TNRC6A: variants seen among roughly 807,000 people sequenced by gnomAD.
TNRC6A encodes the protein trinucleotide repeat containing adaptor 6A.
A neutral mutation model predicts 221.2 loss-of-function variants in TNRC6A; 44 were observed. The ratio of observed to expected loss-of-function variants is 0.20; its 90% confidence interval spans 0.16 to 0.26. The LOEUF is 0.26. TNRC6A is among the 10% of genes least tolerant of loss of function. The pLI, the probability that TNRC6A is intolerant of heterozygous loss-of-function variation, is 1.00. For synonymous variants in TNRC6A, 847 were observed against 838.5 expected, an observed-to-expected ratio of 1.01 and a Z score of -0.18; for missense variants, 2,199 against 2,404.4, an observed-to-expected ratio of 0.91 and a Z score of 1.79.
At chr16:24,737,622 C>G (rs1434903390) in intron 2 of TNRC6A, among the ~76,000 whole-genome samples, 1 of 152,178 alleles carries the variant, frequency 6.6e-6, no homozygotes, top group African/African-American at 2.4e-5. Flanking sequence ...TACTTTGAAC[C>G]TTACAAGATA....
At chr16:24,687,928 TC>T (rs1224547414) in intron 2 of TNRC6A, among the ~76,000 whole-genome samples, 1 of 120,182 alleles carries the variant, frequency 8.3e-6, no homozygotes, top group East Asian at 2.2e-4. Context: ...TCTTTTCTTT[TC>T]TTTTCTTTTC....
Position 24,655,023 on chromosome 16 carries a change from AC to A in TNRC6A, n.402+14015del, listed in dbSNP as rs376328618. On this transcript the variant is annotated intron_variant and non_coding_transcript_variant, in intron 2 of 2. Coordinates refer to the TNRC6A transcript ENST00000566108. ...TTTGGGAGCCCAAGGTGGGTGGATC[AC>A]TTGAGCCCAGGAGTTCAAGACTAGC... Among the ~76,000 whole-genome samples, 487 of 152,248 alleles carry A rather than the reference AC, an allele frequency of 3.2e-3. 1 individual carries two copies. The highest frequency in any genetic ancestry group is 0.011 in the African/African-American group (454 of 41,550).
intron 2 of TNRC6A, among the ~76,000 whole-genome samples, chr16:24,683,375 T>C (rs1420954627): frequency 6.6e-6 from 1 of 152,156 alleles, no homozygotes; most frequent in Admixed American, 6.5e-5. Context: ...TTTTAAATTA[T>C]TTTGTAGAGA....
chr16:24,647,139 C>T (rs1202561108), intron 2 of TNRC6A, among the ~76,000 whole-genome samples: 1 of 152,074 alleles, frequency 6.6e-6, no homozygotes, highest in Non-Finnish European at 1.5e-5. Flanking sequence ...ACCATGTTGC[C>T]CAGGATGATC....
intron 2 of TNRC6A, among the ~76,000 whole-genome samples, chr16:24,644,018 A>C (rs1902136246): frequency 6.6e-6 from 1 of 151,956 alleles, no homozygotes. Context: ...ACACTGGTGC[A>C]AATAAGAGGG....
intron 2 of TNRC6A, among the ~76,000 whole-genome samples, chr16:24,714,533 C>T (rs1344561693): frequency 1.3e-5 from 2 of 151,810 alleles, no homozygotes; most frequent in Non-Finnish European, 2.9e-5. Flanking sequence ...TCTCGATCTC[C>T]TGACCTGGTG....
chr16:24,627,675 T>C (rs1901093688), intron 1 of TNRC6A, among the ~76,000 whole-genome samples: 1 of 150,390 alleles, frequency 6.6e-6, no homozygotes, highest in Admixed American at 6.7e-5. Context: ...CTAACAGGTC[T>C]CTTTCATGTT....
At chr16:24,818,257 G>A (rs1354225674) in intron 20 of TNRC6A, among the ~76,000 whole-genome samples, 2 of 152,152 alleles carry the variant, frequency 1.3e-5, no homozygotes, top group African/African-American at 2.4e-5. Context: ...TTAGCACCAA[G>A]ACTCGAACCT....
At chr16:24,673,079 C>T (rs2055339574) in intron 2 of TNRC6A, among the ~76,000 whole-genome samples, 1 of 152,016 alleles carries the variant, frequency 6.6e-6, no homozygotes, top group African/African-American at 2.4e-5. Context: ...ATGGCACACA[C>T]CTGTAGTCCC....
At position 24,790,072 on chromosome 16, in the gene TNRC6A, G is replaced by C. The variant is rs1324993351; in HGVS notation, c.1430G>C (p.Ser477Thr). 6.2e-7 allele frequency: 1 copy of C among 1,614,222 alleles called. No individual in the cohort carries two copies. Among genetic ancestry groups the C allele is most frequent in the East Asian group, 2.2e-5 (1 of 44,890 alleles). ...SGSVQNNELP[S>T]SNTGAWRVST... ...TCAGTGCAGAATAATGAGCTGCCTA[G>C]TAGTAACACAGGGGCCTGGCGTGTG... The change falls in exon 6 of 25, where the codon AGT becomes ACT. Residue 477 changes from serine to threonine, a missense_variant. Coordinates refer to ENST00000395799, the MANE Select transcript of TNRC6A (RefSeq NM_014494.4).
chr16:24,753,583 A>G lies in TNRC6A; in HGVS notation c.141+2770A>G, dbSNP rs531100584. On this transcript the variant is annotated intron_variant, in intron 3 of 24. Coordinates refer to ENST00000395799, the MANE Select transcript of TNRC6A (RefSeq NM_014494.4). ...AGATAGCTCTTGAAAAGAAAAGAAA[A>G]CCCCCAAATGACACACTTATAGCCC... Among the ~76,000 whole-genome samples, 8 of 152,056 alleles carry G rather than the reference A, an allele frequency of 5.3e-5. No homozygotes were observed. In the South Asian group the frequency reaches 1.2e-3, roughly 24 times the overall value.
At chr16:24,787,376 T>C (rs2057996646) in intron 5 of TNRC6A, among the ~76,000 whole-genome samples, 1 of 152,204 alleles carries the variant, frequency 6.6e-6, no homozygotes, top group Non-Finnish European at 1.5e-5. Flanking sequence ...AATTAACCTG[T>C]GAACCTCAGT....
At chr16:24,741,748 C>T (rs1746796005) in intron 2 of TNRC6A, among the ~76,000 whole-genome samples, 1 of 152,210 alleles carries the variant, frequency 6.6e-6, no homozygotes, top group South Asian at 2.1e-4. Flanking sequence ...CCTTTGGTTG[C>T]AACCTTCTTT....
At chr16:24,687,791 AAGG>A (rs2055656042) in intron 2 of TNRC6A, among the ~76,000 whole-genome samples, 1 of 149,210 alleles carries the variant, frequency 6.7e-6, no homozygotes, top group South Asian at 2.2e-4. Flanking sequence ...AGAGCAAGAG[AAGG>A]AGAAGGAGAA....
chr16:24,669,941 C>CTTGTTTTTTTTTTTTTTTTTTT (rs2055256539), intron 2 of TNRC6A, among the ~76,000 whole-genome samples: 1 of 27,162 alleles, frequency 3.7e-5, no homozygotes, highest in Non-Finnish European at 6.6e-5. Flanking sequence ...GAGGCAGCTA[C>CTTGTTTTTTTTTTTTTTTTTTT]TTTTTTTTTT....
At chr16:24,610,753 A>C in intron 1 of TNRC6A, among the ~76,000 whole-genome samples, 1 of 148,204 alleles carries the variant, frequency 6.7e-6, no homozygotes, top group Admixed American at 6.7e-5. Context: ...TCTCTATCTT[A>C]CTCCTCCTAA....
intron 2 of TNRC6A, among the ~76,000 whole-genome samples, chr16:24,701,350 C>T (rs12598364): frequency 0.065 from 9,621 of 148,416 alleles, 766 homozygotes; most frequent in East Asian, 0.33. Context: ...CTCCCACCCA[C>T]CTTACTAACT....
At chr16:24,737,627 A>G (rs1426233530) in intron 2 of TNRC6A, among the ~76,000 whole-genome samples, 1 of 152,226 alleles carries the variant, frequency 6.6e-6, no homozygotes, top group East Asian at 1.9e-4. Context: ...TGAACCTTAC[A>G]AGATATTTTC....
Position 24,644,081 on chromosome 16 carries a change from A to ATTTTTTTT in TNRC6A, n.402+3088_402+3095dup, listed in dbSNP as rs748251760. Reference sequence around the variant, plus strand: ...TTGTTTGTTTTGTTTCTTATCTTTAATTTTTTTTTTTTTTTTTTTTTTTGA... The same window carrying ATTTTTTTT: ...TTGTTTGTTTTGTTTCTTATCTTTAATTTTTTTTTTTTTTTTTTTTTTTTTTTTTTTGA... On this transcript the variant is annotated intron_variant and non_coding_transcript_variant, in intron 2 of 2. Transcript: ENST00000566108. Among the ~76,000 whole-genome samples the ATTTTTTTT allele has an allele frequency of 9.8e-4, 80 of 81,550 alleles. 7 individuals carry two copies. The highest frequency in any genetic ancestry group is 2.2e-3 in the African/African-American group (42 of 18,800). The allele number at this position is 81,550 out of a possible 152,430, so 53.5% of individuals were successfully genotyped here. A position where few individuals can be genotyped will look rare whatever the true frequency, so the allele number is the denominator to read the frequency against.
Sources: gnomAD v4.1 joint callset for allele counts (sites outside exome capture counted in the v4.1 genomes callset) on GRCh38, gnomAD v4.1.1 for gene constraint, MANE v1.5 for transcripts, NCBI Gene and HGNC (gene_info 2026-07-23, HGNC 2026-07-21) for gene names.